Variants in NFIA observed in about 807,000 individuals in gnomAD.
NFIA encodes the protein nuclear factor 1 A-type.
Under a neutral mutation model 62.8 loss-of-function variants are expected in NFIA, and 8 were observed. The observed-to-expected ratio is 0.13, with a 90% CI of 0.07 to 0.23. NFIA has a LOEUF of 0.23. Among genes scored for constraint, NFIA ranks in the 10% least tolerant of loss-of-function variants. NFIA has a pLI of 1.00. For synonymous variants in NFIA, 235 were observed against 238.1 expected, an observed-to-expected ratio of 0.99 and a Z score of 0.12; for missense variants, 410 against 642.1, an observed-to-expected ratio of 0.64 and a Z score of 3.91.
chr1:61,255,625 C>T (rs116586735), intron 2 of NFIA, among the ~76,000 whole-genome samples: 1 of 152,076 alleles, frequency 6.6e-6, no homozygotes, highest in African/African-American at 2.4e-5. Flanking sequence ...GTGGGAGACT[C>T]AAAATCTTTT....
intron 2 of NFIA, among the ~76,000 whole-genome samples, chr1:61,135,972 C>T (rs2100497226): frequency 6.6e-6 from 1 of 152,316 alleles, no homozygotes; most frequent in Non-Finnish European, 1.5e-5. Context: ...TCAGAACCCT[C>T]CGCTTACGCT....
At chr1:61,197,194 TA>T (rs1652079561) in intron 2 of NFIA, among the ~76,000 whole-genome samples, 1 of 151,524 alleles carries the variant, frequency 6.6e-6, no homozygotes, top group African/African-American at 2.4e-5. Flanking sequence ...CACAGAGTTG[TA>T]GAGTGTGCAG....
At chr1:61,358,513 G>A (rs1663100020) in intron 5 of NFIA, among the ~76,000 whole-genome samples, 1 of 150,138 alleles carries the variant, frequency 6.7e-6, no homozygotes, top group South Asian at 2.1e-4. Context: ...AGCCTCCCGA[G>A]TAGCTGGGAT....
intron 2 of NFIA, among the ~76,000 whole-genome samples, chr1:61,108,182 T>C (rs1256407646): frequency 6.6e-6 from 1 of 151,656 alleles, no homozygotes; most frequent in Non-Finnish European, 1.5e-5. Flanking sequence ...AAACATCCTA[T>C]TGGGACTTTG....
rs147604606 is a variant in NFIA at position 61,342,567 on chromosome 1, T to G, written c.701-9883T>G. 5.9e-5 allele frequency among the ~76,000 whole-genome samples: 9 copies of G among 152,360 alleles called. No homozygotes were observed. The East Asian group carries it at 1.3e-3, about 23-fold the overall frequency. On this transcript the variant is annotated intron_variant, in intron 4 of 10. Coordinates refer to ENST00000403491, the MANE Select transcript of NFIA (RefSeq NM_001134673.4). ...CAGCATTGCTAACCCCTCTGTGGAC[T>G]GCTCTGTTAGACCAAGTGGCAGGGC...
At chr1:61,281,120 A>T (rs1407511761) in intron 3 of NFIA, among the ~76,000 whole-genome samples, 1 of 151,956 alleles carries the variant, frequency 6.6e-6, no homozygotes, top group Non-Finnish European at 1.5e-5. Flanking sequence ...CATGCCTGTA[A>T]TACCACTACT....
At chr1:61,293,339 G>C (rs1176250937) in intron 3 of NFIA, among the ~76,000 whole-genome samples, 1 of 152,222 alleles carries the variant, frequency 6.6e-6, no homozygotes, top group Non-Finnish European at 1.5e-5. Context: ...TGCAGTTTCT[G>C]TGTGTATGAG....
chr1:61,311,723 A>G (rs1030869681), intron 3 of NFIA, among the ~76,000 whole-genome samples: 1 of 152,252 alleles, frequency 6.6e-6, no homozygotes, highest in Non-Finnish European at 1.5e-5. Flanking sequence ...ATTCCATTTA[A>G]TAAACAAAAT....
chr1:61,252,315 T>C (rs1279862331), intron 2 of NFIA, among the ~76,000 whole-genome samples: 1 of 152,206 alleles, frequency 6.6e-6, no homozygotes, highest in African/African-American at 2.4e-5. Context: ...TTTTTACCAG[T>C]TGTGTGCTTA....
At chr1:61,077,941 G>T (rs779332813), upstream of NFIA, among the ~76,000 whole-genome samples, 1 of 151,520 alleles carries the variant, frequency 6.6e-6, no homozygotes, top group African/African-American at 2.4e-5. Context: ...AGAAAGGGGT[G>T]GGGGGAAATC....
At position 61,084,685 on chromosome 1, in the gene NFIA, AC is replaced by A. The variant is rs1646187115; in HGVS notation, c.27+1868del. ...GCTGCAATAAAGGGAAAGGACCCTA[AC>A]AGATACATTAGTGTCTTCTCAATTG... On this transcript the variant is annotated intron_variant, in intron 1 of 10. Transcript: ENST00000403491. Among the ~76,000 whole-genome samples, 4 of 152,298 alleles carry A rather than the reference AC, an allele frequency of 2.6e-5. 1 individual carries two copies. The South Asian group carries it at 8.3e-4, about 32-fold the overall frequency.
At chr1:61,454,142 AT>A (rs1668197078) in intron 10 of NFIA, among the ~76,000 whole-genome samples, 1 of 152,210 alleles carries the variant, frequency 6.6e-6, no homozygotes, top group Non-Finnish European at 1.5e-5. Context: ...AAGCAACCCA[AT>A]TAGAACCCTT....
chr1:61,149,341 T>A (rs915788226), intron 2 of NFIA, among the ~76,000 whole-genome samples: 14 of 152,212 alleles, frequency 9.2e-5, no homozygotes, highest in Admixed American at 3.3e-4. Context: ...ATATATTTTT[T>A]AAAATTCCCT....
chr1:61,441,941 A>AGGC lies in NFIA; in HGVS notation c.1513-13359_1513-13357dup, dbSNP rs1160564463. ...CCCCCACCCCCACCGTCTTCCAGGA[A>AGGC]GGCGGTTTGCTTGGCTCATCCCTTG... On this transcript the variant is annotated intron_variant, in intron 10 of 10. Coordinates refer to ENST00000403491, the MANE Select transcript of NFIA (RefSeq NM_001134673.4). Among the ~76,000 whole-genome samples, 4 of 151,292 alleles carry AGGC rather than the reference A, an allele frequency of 2.6e-5. No homozygotes were observed. The South Asian group carries it at 8.4e-4, about 32-fold the overall frequency.
At chr1:61,357,863 C>T (rs1443486880) in intron 5 of NFIA, among the ~76,000 whole-genome samples, 4 of 152,082 alleles carry the variant, frequency 2.6e-5, no homozygotes, top group Non-Finnish European at 5.9e-5. Flanking sequence ...TCTACTCATC[C>T]TAATAATATG....
chr1:61,101,006 G>A (rs1224541386), intron 2 of NFIA, among the ~76,000 whole-genome samples: 1 of 150,918 alleles, frequency 6.6e-6, no homozygotes, highest in African/African-American at 2.4e-5. Flanking sequence ...TATTTCTATT[G>A]TGTTAAATTT....
At chr1:61,306,903 G>A (rs1396474384) in intron 3 of NFIA, among the ~76,000 whole-genome samples, 2 of 152,122 alleles carry the variant, frequency 1.3e-5, no homozygotes, top group Non-Finnish European at 2.9e-5. Context: ...CCAAAGTTTA[G>A]GAACCAGCCT....
chr1:61,342,831 A>T (rs1170713796), intron 4 of NFIA, among the ~76,000 whole-genome samples: 2 of 152,262 alleles, frequency 1.3e-5, no homozygotes, highest in Non-Finnish European at 1.5e-5. Context: ...AAATATCTAC[A>T]TTCAAGCCCT....
chr1:61,338,220 C>A (rs1475515169), intron 4 of NFIA, among the ~76,000 whole-genome samples: 1 of 152,234 alleles, frequency 6.6e-6, no homozygotes, highest in Non-Finnish European at 1.5e-5. Flanking sequence ...GTTACCCGGA[C>A]TGATTTTTGG....
Sources: allele counts gnomAD v4.1 joint callset (sites outside exome capture counted in the v4.1 genomes callset), GRCh38; gene constraint gnomAD v4.1.1; transcripts MANE v1.5; gene names NCBI Gene and HGNC (gene_info 2026-07-23, HGNC 2026-07-21).